Variants in RNF123 observed in about 807,000 individuals in gnomAD.
The protein encoded by RNF123 is ring finger protein 123, also known as E3 ubiquitin-protein ligase RNF123.
Under a neutral mutation model 168.5 loss-of-function variants are expected in RNF123, and 86 were observed. The observed-to-expected ratio is 0.51, with a 90% CI of 0.43 to 0.61. The LOEUF (loss-of-function observed/expected upper bound fraction) is 0.61, where lower values mean the gene tolerates loss of function less well. Among genes scored for constraint, RNF123 ranks in the 20% least tolerant of loss-of-function variants. The pLI is 0.00. For missense variants in RNF123, 1,419 were observed against 1,729.7 expected (o/e 0.82, Z 3.19); for synonymous variants, 666 against 689.1 (o/e 0.97, Z 0.52).
chr3:49,719,438 G>C (rs1559692690), intron 35 of RNF123: 1 of 1,613,428 alleles, frequency 6.2e-7, no homozygotes, highest in South Asian at 1.1e-5. Context: ...ATGCAGAGCA[G>C]TGTCCCCAGC....
At chr3:49,719,717 C>T (rs2080349134) in intron 35 of RNF123, 1 of 442,832 alleles carries the variant, frequency 2.3e-6, no homozygotes, top group Non-Finnish European at 4.2e-6. Flanking sequence ...CTAAATACTC[C>T]CCCCAGGGGC....
In RNF123 at chr3:49,698,984, G is replaced by A. The variant is rs980023830; in HGVS notation, c.643G>A (p.Gly215Ser). The A allele has an allele frequency of 5.6e-6, 9 of 1,613,734 alleles. No homozygotes were observed. Among genetic ancestry groups the A allele is most frequent in the East Asian group, 2.2e-5 (1 of 44,890 alleles). Residue 215 changes from glycine to serine, a missense_variant, in exon 10 of 39, where the codon GGT becomes AGT. By Grantham distance (56) the Gly-to-Ser change is moderately conservative. Transcript: ENST00000327697. ...CAGACCCACCCTTCTCCCCAGGAACGGTGTATCACTGGGCACTGCCTTTGA... is the reference window on the plus strand; with the variant it reads ...CAGACCCACCCTTCTCCCCAGGAACAGTGTATCACTGGGCACTGCCTTTGA... ...DDGTLSFCLN[G>S]VSLGTAFENL... is the part of the protein sequence containing the mutation.
chr3:49,693,833 T>A (rs1411082203), intron 3 of RNF123, among the ~76,000 whole-genome samples: 1 of 152,240 alleles, frequency 6.6e-6, no homozygotes, highest in Non-Finnish European at 1.5e-5. Flanking sequence ...TAGTTTTGAT[T>A]TGCATTTCTC....
At chr3:49,697,807 T>C in intron 5 of RNF123, 78 bp from the exon 6 acceptor site, 1 of 1,567,916 alleles carries the variant, frequency 6.4e-7, no homozygotes, top group East Asian at 2.2e-5. Flanking sequence ...CTGGCTCAGT[T>C]GGGGATGGGG....
chr3:49,690,495 A>C (rs955843498), intron 1 of RNF123, among the ~76,000 whole-genome samples: 1 of 152,244 alleles, frequency 6.6e-6, no homozygotes. Context: ...GGATAGATGC[A>C]CTAGGAGGAC....
chr3:49,714,424 G>A (rs548076663), intron 31 of RNF123, among the ~76,000 whole-genome samples: 1 of 152,300 alleles, frequency 6.6e-6, no homozygotes, highest in Non-Finnish European at 1.5e-5. Context: ...GGGCCTGGAT[G>A]CTCTATGTGG....
chr3:49,699,560 T>C lies in RNF123; in HGVS notation c.857T>C (p.Leu286Pro). 6.2e-7 allele frequency: 1 copy of C among 1,613,264 alleles called. No homozygotes were observed. The highest frequency in any genetic ancestry group is 8.5e-7 in the Non-Finnish European group (1 of 1,179,782). Residue 286 changes from leucine to proline, a missense_variant, in exon 11 of 39, where the codon CTG becomes CCG. By Grantham distance (98) the Leu-to-Pro change is moderately conservative. Coordinates refer to ENST00000327697, the MANE Select transcript of RNF123 (RefSeq NM_022064.5). This position sits in a 1 kb window ranked among gnomAD's most constrained non-coding sequence, Gnocchi z 4.8. ...TTGCTGGGCTGCTTCCGGGCAGTGC[T>C]GAGTGTGGAGCTGGACCCTGTGGTG... The part of the protein sequence containing the change: ...QRLLGCFRAV[L>P]SVELDPVEGR...
At chr3:49,709,446 G>A (rs560635069) in intron 26 of RNF123, among the ~76,000 whole-genome samples, 257 of 151,970 alleles carry the variant, frequency 1.7e-3, no homozygotes, top group Non-Finnish European at 2.7e-3. Context: ...GACTACAGGC[G>A]CCTGCCACCA....
intron 35 of RNF123, chr3:49,719,988 A>ACTAT (rs1286151886): frequency 1.2e-5 from 2 of 162,186 alleles, no homozygotes; most frequent in East Asian, 1.9e-4. Flanking sequence ...GCAGACTCTC[A>ACTAT]CTATCTTAAG....
At position 49,701,911 on chromosome 3, in the gene RNF123, G is replaced by T. The variant is rs1018278898; in HGVS notation, c.1495+1G>T. 1.9e-6 allele frequency: 3 copies of T among 1,559,944 alleles called. No individual in the cohort carries two copies. Among genetic ancestry groups the T allele is most frequent in the Non-Finnish European group, 2.6e-6 (3 of 1,151,536 alleles). ...CAGCGGCTCAGGAAGCGCATCGAAG[G>T]TCAGCCCGCCTTGGGCACGGGGTAG... On this transcript the variant is annotated splice_donor_variant, in intron 17 of 38. Coordinates refer to ENST00000327697, the MANE Select transcript of RNF123 (RefSeq NM_022064.5). LOFTEE classifies it high-confidence loss of function.
chr3:49,707,049 A>C lies in RNF123; in HGVS notation c.2496+151A>C. 6.0e-6 allele frequency: 4 copies of C among 662,326 alleles called. 1 individual carries two copies. In the South Asian group the frequency reaches 7.0e-5, roughly 12 times the overall value. 41.0% of individuals were successfully genotyped at this position (662,326 alleles called of 1,614,324 possible). On this transcript the variant is annotated intron_variant, in intron 26 of 38. Coordinates refer to ENST00000327697, the MANE Select transcript of RNF123 (RefSeq NM_022064.5). ...ACTTCAGACTCCATCACCCCATGCC[A>C]TGTCCCCTGTACCCCTCATGCTCTG...
At chr3:49,709,449 T>C (rs895818478) in intron 26 of RNF123, among the ~76,000 whole-genome samples, 11 of 152,032 alleles carry the variant, frequency 7.2e-5, no homozygotes, top group Middle Eastern at 6.8e-3. Flanking sequence ...TACAGGCGCC[T>C]GCCACCACGC....
chr3:49,718,299 C>T, intron 35 of RNF123: 1 of 1,613,190 alleles, frequency 6.2e-7, no homozygotes. Flanking sequence ...CGGCACAGCC[C>T]AGCAGTGTGG....
At position 49,699,917 on chromosome 3, in the gene RNF123, A is replaced by G; in HGVS notation, c.984+145A>G. 1.3e-6 allele frequency: 1 copy of G among 798,666 alleles called. No homozygotes were observed. Among genetic ancestry groups the G allele is most frequent in the Non-Finnish European group, 2.0e-6 (1 of 493,572 alleles). The allele number at this position is 798,666 out of a possible 1,614,324, so 49.5% of individuals were successfully genotyped here. A position where few individuals can be genotyped will look rare whatever the true frequency, so the allele number is the denominator to read the frequency against. On this transcript the variant is annotated intron_variant, in intron 12 of 38. Coordinates refer to ENST00000327697, the MANE Select transcript of RNF123 (RefSeq NM_022064.5). This position sits in a 1 kb window ranked among gnomAD's most constrained non-coding sequence, Gnocchi z 4.8. The stretch of plus-strand genomic sequence containing the variant: ...GGCCCCATGTGACCAGGGCCCTCAG[A>G]CCTCAGTCAGTCCCCTAGGGAAACA...
At chr3:49,706,179 GC>G in intron 25 of RNF123, 114 bp downstream of exon 25, 1 of 898,618 alleles carries the variant, frequency 1.1e-6, no homozygotes, top group Non-Finnish European at 1.8e-6. Context: ...TCTAGCCCTG[GC>G]CATAGCACGC....
At chr3:49,718,124 C>T in intron 35 of RNF123, 2 of 1,613,476 alleles carry the variant, frequency 1.2e-6, no homozygotes, top group Non-Finnish European at 1.7e-6. Context: ...TGGACGCTGG[C>T]CTTGCGGCTG....
exon 39 of RNF123, chr3:49,721,528 CAGCCCT>C (rs754623460): frequency 8.6e-6 from 7 of 811,460 alleles, no homozygotes; most frequent in South Asian, 9.9e-5. Context: ...TTATTCCATA[CAGCCCT>C]GGCCCTGGCC....
intron 27 of RNF123, 120 bp downstream of exon 27, chr3:49,712,776 G>C (rs914996574): frequency 3.4e-6 from 4 of 1,172,526 alleles, no homozygotes; most frequent in Non-Finnish European, 5.0e-6. Flanking sequence ...GCGGGGAGGG[G>C]AGGAGCTTCC....
At chr3:49,709,609 A>G (rs4855865) in intron 26 of RNF123, among the ~76,000 whole-genome samples, 8,273 of 114,036 alleles carry the variant, frequency 0.073, 1,712 homozygotes, top group East Asian at 0.65. Context: ...CTAATTTTGT[A>G]TTTTTTTTTA....
Sources: allele counts gnomAD v4.1 joint callset (sites outside exome capture counted in the v4.1 genomes callset), GRCh38; gene constraint gnomAD v4.1.1; non-coding constraint Gnocchi (gnomAD v3.1); transcripts MANE v1.5; gene names NCBI Gene and HGNC (gene_info 2026-07-23, HGNC 2026-07-21).